The following SH3PXD2B variants were observed in gnomAD, a reference collection of about 807,000 sequenced individuals.
The protein encoded by SH3PXD2B is SH3 and PX domain-containing protein 2B.
Under a neutral mutation model 73.1 loss-of-function variants are expected in SH3PXD2B, and 37 were observed. That is an observed-to-expected ratio of 0.51 (90% CI 0.39 to 0.67). SH3PXD2B has a LOEUF of 0.67. Ranked by LOEUF, SH3PXD2B falls within the 30% of genes least tolerant of loss-of-function variation. The pLI is 0.00. For synonymous variants in SH3PXD2B, 457 were observed against 480.5 expected, an observed-to-expected ratio of 0.95 and a Z score of 0.64; for missense variants, 1,053 against 1,197.8, an observed-to-expected ratio of 0.88 and a Z score of 1.78.
intron 1 of SH3PXD2B, among the ~76,000 whole-genome samples, chr5:172,444,798 C>G (rs1759626431): frequency 6.6e-6 from 1 of 152,130 alleles, no homozygotes. Context: ...TTCTGAGCAC[C>G]AGCTCCTCCC....
chr5:172,425,013 T>C (rs11134747), intron 1 of SH3PXD2B, among the ~76,000 whole-genome samples: 45,764 of 151,976 alleles, frequency 0.3, 7,493 homozygotes, highest in East Asian at 0.67. Context: ...CCTAGGTAAC[T>C]CATGGAGCCA....
At position 172,378,688 on chromosome 5, in the gene SH3PXD2B, T is replaced by G. The variant is rs1757872814; in HGVS notation, c.401+3348A>C. ...TCTCATTTGATTCCCCAAGCAATTC[T>G]GTGAGGGAGGTGTCATCAGGCCCAT... On this transcript the variant is annotated intron_variant, in intron 5 of 12. Coordinates refer to ENST00000311601, the MANE Select transcript of SH3PXD2B (RefSeq NM_001017995.3). Among the ~76,000 whole-genome samples the G allele has an allele frequency of 2.6e-5, 4 of 152,332 alleles. No individual in the cohort carries two copies. The South Asian group carries it at 6.2e-4, about 24-fold the overall frequency.
chr5:172,368,630 A>AAT (rs1467073841), intron 6 of SH3PXD2B, among the ~76,000 whole-genome samples: 5 of 11,552 alleles, frequency 4.3e-4, no homozygotes, highest in African/African-American at 3.4e-3. Flanking sequence ...ATATATATAT[A>AAT]ATATATATGT....
In SH3PXD2B at chr5:172,366,557, C is replaced by A. The variant is rs556410481; in HGVS notation, c.428-3688G>T. ...TCCTTCTTATTTCAGTGGGAACCACCTATTCTTAGCCTCCTAACTGGTCCC... is the reference window on the plus strand; with the variant it reads ...TCCTTCTTATTTCAGTGGGAACCACATATTCTTAGCCTCCTAACTGGTCCC... On this transcript the variant is annotated intron_variant, in intron 6 of 12. Coordinates refer to ENST00000311601, the MANE Select transcript of SH3PXD2B (RefSeq NM_001017995.3). Among the ~76,000 whole-genome samples the A allele has an allele frequency of 4.6e-5, 7 of 152,348 alleles. No individual in the cohort carries two copies. The East Asian group carries it at 1.3e-3, about 29-fold the overall frequency.
intron 2 of SH3PXD2B, among the ~76,000 whole-genome samples, chr5:172,413,469 G>A (rs1758749825): frequency 6.6e-6 from 1 of 152,120 alleles, no homozygotes; most frequent in Admixed American, 6.5e-5. Flanking sequence ...CCTCTCTTCT[G>A]CCCCACTACC....
intron 1 of SH3PXD2B, among the ~76,000 whole-genome samples, chr5:172,437,890 T>G (rs1581339893): frequency 6.6e-6 from 1 of 151,694 alleles, no homozygotes; most frequent in African/African-American, 2.4e-5. Flanking sequence ...GCGGCAGGAG[T>G]AGGGGGAGAG....
chr5:172,406,211 C>T, intron 3 of SH3PXD2B, 66 bp downstream of exon 3: 2 of 1,550,954 alleles, frequency 1.3e-6, no homozygotes, highest in Admixed American at 3.4e-5. Flanking sequence ...ATAAACTGTC[C>T]CAAGGGCTCT....
At position 172,333,613 on chromosome 5, in the gene SH3PXD2B, C is replaced by T. The variant is rs1581254728; in HGVS notation, c.*4756G>A. ...ACATGCTACAGCTAGTTGTTCTCAC[C>T]CCTCCCCTCACATCCTATATACTCA... On this transcript the variant is annotated 3_prime_UTR_variant, in exon 13 of 13. Coordinates refer to ENST00000311601, the MANE Select transcript of SH3PXD2B (RefSeq NM_001017995.3). 1 of 1,284,064 alleles carries T rather than the reference C, an allele frequency of 7.8e-7. No individual in the cohort carries two copies. Among genetic ancestry groups the T allele is most frequent in the Non-Finnish European group, 1.0e-6 (1 of 987,250 alleles). The allele number at this position is 1,284,064 out of a possible 1,614,324, so 79.5% of individuals were successfully genotyped here.
In SH3PXD2B at chr5:172,386,511, C is replaced by G. The variant is rs546214772; in HGVS notation, c.310-4384G>C. 2.6e-4 allele frequency among the ~76,000 whole-genome samples: 39 copies of G among 152,354 alleles called. No homozygotes were observed. The South Asian group carries it at 7.9e-3, about 31-fold the overall frequency. ...CTTCCTGAGAGCAGGACGGGCTCTG[C>G]AGAGCCTCCGGTAGGCAGGTAACAG... On this transcript the variant is annotated intron_variant, in intron 4 of 12. Transcript: ENST00000311601.
At chr5:172,436,774 G>A (rs1454126780) in intron 1 of SH3PXD2B, among the ~76,000 whole-genome samples, 3 of 152,232 alleles carry the variant, frequency 2.0e-5, no homozygotes, top group Non-Finnish European at 2.9e-5. Flanking sequence ...ATCAGGCTGT[G>A]ATTGCTAAAG....
At chr5:172,440,761 G>GT (rs1759536495) in intron 1 of SH3PXD2B, among the ~76,000 whole-genome samples, 1 of 152,176 alleles carries the variant, frequency 6.6e-6, no homozygotes, top group South Asian at 2.1e-4. Flanking sequence ...AGGAAACCAA[G>GT]TCTCAAGACA....
At chr5:172,384,869 G>A (rs1305387245) in intron 4 of SH3PXD2B, among the ~76,000 whole-genome samples, 3 of 152,084 alleles carry the variant, frequency 2.0e-5, no homozygotes, top group Admixed American at 1.3e-4. Flanking sequence ...CATGAGGGAC[G>A]TGGATGGTCT....
At chr5:172,439,692 GCACACACACACACA>G (rs367799974) in intron 1 of SH3PXD2B, among the ~76,000 whole-genome samples, 21 of 138,626 alleles carry the variant, frequency 1.5e-4, no homozygotes, top group East Asian at 8.3e-4. Flanking sequence ...GCACGCGCGC[GCACACACACACACA>G]CACACACACA....
At chr5:172,351,230 A>G (rs1757153683) in intron 9 of SH3PXD2B, among the ~76,000 whole-genome samples, 1 of 152,202 alleles carries the variant, frequency 6.6e-6, no homozygotes, top group Non-Finnish European at 1.5e-5. Context: ...CCTGGGCTCA[A>G]GCGATTCTCC....
intron 3 of SH3PXD2B, among the ~76,000 whole-genome samples, chr5:172,404,420 T>C (rs1758506572): frequency 6.6e-6 from 1 of 152,178 alleles, no homozygotes; most frequent in Admixed American, 6.5e-5. Flanking sequence ...GCCTCCCAAG[T>C]AGCTGGGATT....
At chr5:172,327,660 C>T (rs760506857) in intron 12 of SH3PXD2B, among the ~76,000 whole-genome samples, 24 of 152,070 alleles carry the variant, frequency 1.6e-4, no homozygotes, top group Non-Finnish European at 3.2e-4. Context: ...ATGATTATAA[C>T]TCACTGTAGT....
intron 1 of SH3PXD2B, among the ~76,000 whole-genome samples, chr5:172,430,224 G>C (rs992908712): frequency 6.6e-6 from 1 of 152,212 alleles, no homozygotes; most frequent in African/African-American, 2.4e-5. Flanking sequence ...CAAAGGTGAG[G>C]GAACCCTTGT....
chr5:172,349,852 TTTTTTTTC>T (rs1405267504), intron 10 of SH3PXD2B, among the ~76,000 whole-genome samples: 1 of 151,754 alleles, frequency 6.6e-6, no homozygotes, highest in African/African-American at 2.4e-5. Flanking sequence ...CGCCTCCCCT[TTTTTTTTC>T]TTTTTTTAAA....
At chr5:172,437,292 T>C (rs1759415498) in intron 1 of SH3PXD2B, among the ~76,000 whole-genome samples, 1 of 152,200 alleles carries the variant, frequency 6.6e-6, no homozygotes, top group Non-Finnish European at 1.5e-5. Flanking sequence ...ATCTGTTGAC[T>C]GTCCCCAGCT....
Sources: gnomAD v4.1 joint callset for allele counts (sites outside exome capture counted in the v4.1 genomes callset) on GRCh38, gnomAD v4.1.1 for gene constraint, MANE v1.5 for transcripts, NCBI Gene and HGNC (gene_info 2026-07-23, HGNC 2026-07-21) for gene names.